The following FAF1 variants were observed in gnomAD, a reference collection of about 807,000 sequenced individuals.
The protein encoded by FAF1 is FAS-associated factor 1.
In FAF1, 25 loss-of-function variants were observed where a neutral mutation model predicts 92.5. The observed-to-expected ratio is 0.27, with a 90% CI of 0.20 to 0.38. The LOEUF (loss-of-function observed/expected upper bound fraction) is 0.38. Among genes scored for constraint, FAF1 ranks in the 10% least tolerant of loss-of-function variants. The pLI, the probability that FAF1 is intolerant of heterozygous loss-of-function variation, is 1.00. For synonymous variants in FAF1, 234 were observed against 273.2 expected (o/e 0.86, Z 1.42); for missense variants, 636 against 793.3 (o/e 0.80, Z 2.38).
chr1:50,834,179 C>A (rs1049809393), intron 2 of FAF1, among the ~76,000 whole-genome samples: 1 of 152,170 alleles, frequency 6.6e-6, no homozygotes, highest in Non-Finnish European at 1.5e-5. Flanking sequence ...GTAGGACGTG[C>A]CTGCTTCCCC....
chr1:50,730,571 T>C (rs915074623), intron 6 of FAF1, among the ~76,000 whole-genome samples: 1 of 152,246 alleles, frequency 6.6e-6, no homozygotes, highest in Admixed American at 6.5e-5. Context: ...CTATCTTTCT[T>C]ATTGTAGTGA....
At chr1:50,935,184 C>CA (rs993852795) in intron 1 of FAF1, among the ~76,000 whole-genome samples, 1 of 152,038 alleles carries the variant, frequency 6.6e-6, no homozygotes, top group African/African-American at 2.4e-5. Context: ...GAGAGAAAAA[C>CA]AAAAATTAAG....
intron 7 of FAF1, among the ~76,000 whole-genome samples, chr1:50,662,683 C>CTTT (rs58193277): frequency 1.2e-4 from 9 of 77,602 alleles, no homozygotes; most frequent in African/African-American, 1.9e-4. Flanking sequence ...GAATTTGTAT[C>CTTT]TTTTTTTTTT....
chr1:50,791,049 G>C (rs1297111948), intron 3 of FAF1, among the ~76,000 whole-genome samples: 1 of 152,108 alleles, frequency 6.6e-6, no homozygotes, highest in Non-Finnish European at 1.5e-5. Flanking sequence ...AAAACAGTTA[G>C]TTTTTCAATC....
At chr1:50,789,060 C>T (rs1273895901) in intron 3 of FAF1, among the ~76,000 whole-genome samples, 3 of 152,088 alleles carry the variant, frequency 2.0e-5, no homozygotes, top group South Asian at 2.1e-4. Flanking sequence ...GTCTTCAACT[C>T]GTGGCCTCAA....
At position 50,466,410 on chromosome 1, in the gene FAF1, G is replaced by T. The variant is rs552665239; in HGVS notation, c.1869+9054C>A. On this transcript the variant is annotated intron_variant, in intron 18 of 18. Coordinates refer to ENST00000396153, the MANE Select transcript of FAF1 (RefSeq NM_007051.3). ...GTTTCATGTGAGACGCCTACTGGAT[G>T]CAAAGTGGAGATACTGAGTAGATCG... 2.0e-5 allele frequency among the ~76,000 whole-genome samples: 3 copies of T among 152,328 alleles called. No individual in the cohort carries two copies. The East Asian group carries it at 5.8e-4, about 29-fold the overall frequency.
chr1:50,896,424 T>C (rs1270039042), intron 1 of FAF1, among the ~76,000 whole-genome samples: 1 of 152,172 alleles, frequency 6.6e-6, no homozygotes, highest in Non-Finnish European at 1.5e-5. Context: ...CATACACCTA[T>C]GTTTTTTAAA....
chr1:50,709,061 G>C (rs1273251593), intron 6 of FAF1, among the ~76,000 whole-genome samples: 1 of 152,214 alleles, frequency 6.6e-6, no homozygotes, highest in African/African-American at 2.4e-5. Flanking sequence ...CCTGAGGTTT[G>C]AAGGCCTTTC....
chr1:50,784,847 C>G (rs1187036849), intron 4 of FAF1, among the ~76,000 whole-genome samples: 1 of 151,990 alleles, frequency 6.6e-6, no homozygotes, highest in Non-Finnish European at 1.5e-5. Flanking sequence ...ACTAATAGAA[C>G]AAAACTGAAA....
intron 7 of FAF1, among the ~76,000 whole-genome samples, chr1:50,674,100 G>A (rs530743870): frequency 7.2e-5 from 11 of 152,140 alleles, no homozygotes; most frequent in Non-Finnish European, 8.8e-5. Flanking sequence ...ACAGGCGTCC[G>A]CCACCACACC....
At chr1:50,739,448 A>G (rs12724983) in intron 5 of FAF1, among the ~76,000 whole-genome samples, 50 of 152,240 alleles carry the variant, frequency 3.3e-4, no homozygotes, top group Admixed American at 7.2e-4. Context: ...ATATGTGTAT[A>G]CACACATACA....
At chr1:50,581,073 C>T (rs1317125482) in intron 12 of FAF1, among the ~76,000 whole-genome samples, 1 of 152,136 alleles carries the variant, frequency 6.6e-6, no homozygotes, top group Non-Finnish European at 1.5e-5. Context: ...CACATCCAGC[C>T]CAGTATTTTC....
intron 2 of FAF1, among the ~76,000 whole-genome samples, chr1:50,849,730 C>T (rs1644332473): frequency 6.6e-6 from 1 of 151,934 alleles, no homozygotes; most frequent in South Asian, 2.1e-4. Context: ...AATAAATATC[C>T]TTGTAAAAAA....
intron 17 of FAF1, among the ~76,000 whole-genome samples, chr1:50,481,118 A>G (rs80034786): frequency 4.8e-4 from 73 of 152,352 alleles, no homozygotes; most frequent in African/African-American, 1.7e-3. Flanking sequence ...GCTATTACAA[A>G]ATAATCAGAA....
chr1:50,896,952 G>A (rs1644762159), intron 1 of FAF1, among the ~76,000 whole-genome samples: 1 of 151,734 alleles, frequency 6.6e-6, no homozygotes. Flanking sequence ...TACATTATGT[G>A]TATTTAACCA....
chr1:50,554,357 T>C (rs1242045951), intron 13 of FAF1, among the ~76,000 whole-genome samples: 1 of 117,222 alleles, frequency 8.5e-6, no homozygotes. Flanking sequence ...AAAGATTAAA[T>C]GAGGTAAATA....
intron 18 of FAF1, among the ~76,000 whole-genome samples, chr1:50,469,234 C>A (rs948190763): frequency 6.6e-6 from 1 of 152,144 alleles, no homozygotes; most frequent in Non-Finnish European, 1.5e-5. Context: ...AATCAAGAGG[C>A]CTGGGCTGCA....
chr1:50,925,065 AT>A (rs1449251856), intron 1 of FAF1, among the ~76,000 whole-genome samples: 3 of 152,214 alleles, frequency 2.0e-5, no homozygotes, highest in Non-Finnish European at 4.4e-5. Flanking sequence ...AAATCCACAT[AT>A]TTTTAGCCAA....
At chr1:50,874,455 A>C (rs765117426) in intron 1 of FAF1, among the ~76,000 whole-genome samples, 3 of 151,942 alleles carry the variant, frequency 2.0e-5, no homozygotes, top group Non-Finnish European at 2.9e-5. Flanking sequence ...CTGAACTCCT[A>C]AACTCAAGTG....
Sources: allele counts gnomAD v4.1 joint callset (sites outside exome capture counted in the v4.1 genomes callset), GRCh38; gene constraint gnomAD v4.1.1; transcripts MANE v1.5; gene names NCBI Gene and HGNC (gene_info 2026-07-23, HGNC 2026-07-21).